The following FASTKD1 variants were observed in gnomAD, a reference collection of about 807,000 sequenced individuals.
The protein encoded by FASTKD1 is FAST kinase domains 1.
FASTKD1 carries 94 observed loss-of-function variants against 90.9 expected under a neutral mutation model. That is an observed-to-expected ratio of 1.03 (90% CI 0.88 to 1.23). The LOEUF is 1.23. FASTKD1 is among the 50% of genes most tolerant of loss of function. The probability of loss-of-function intolerance (pLI) is 0.00; values close to 1 mark genes in which losing one functional copy is unlikely to be tolerated. For synonymous variants in FASTKD1, 319 were observed against 345.8 expected, an observed-to-expected ratio of 0.92 and a Z score of 0.86; for missense variants, 945 against 993.5, an observed-to-expected ratio of 0.95 and a Z score of 0.66.
chr2:169,540,765 C>T (rs888261542), intron 9 of FASTKD1, among the ~76,000 whole-genome samples: 1 of 152,110 alleles, frequency 6.6e-6, no homozygotes, highest in Non-Finnish European at 1.5e-5. Flanking sequence ...TAGGGTTTAA[C>T]CCAGAATGTC....
intron 12 of FASTKD1, among the ~76,000 whole-genome samples, chr2:169,534,183 CAAAAAAAAAAAAA>C (rs71003097): frequency 4.1e-4 from 19 of 46,322 alleles, no homozygotes; most frequent in Middle Eastern, 0.019. Context: ...GACCCTTTCT[CAAAAAAAAAAAAA>C]AAAAAAAAAA....
chr2:169,539,076 T>C (rs1326806079), intron 10 of FASTKD1, among the ~76,000 whole-genome samples: 1 of 151,922 alleles, frequency 6.6e-6, no homozygotes, highest in Non-Finnish European at 1.5e-5. Context: ...AACACCAACC[T>C]GGCCAACATG....
chr2:169,538,791 T>C (rs925782705), intron 10 of FASTKD1, among the ~76,000 whole-genome samples: 1 of 151,638 alleles, frequency 6.6e-6, no homozygotes, highest in Non-Finnish European at 1.5e-5. Flanking sequence ...TTACTTACAA[T>C]GATGAGGAAT....
chr2:169,545,021 A>C (rs1456357946), intron 8 of FASTKD1, among the ~76,000 whole-genome samples, 186 bp from the exon 9 acceptor site: 1 of 152,166 alleles, frequency 6.6e-6, no homozygotes, highest in Non-Finnish European at 1.5e-5. Context: ...ATTATTAATA[A>C]CCCCAAAAGT....
At chr2:169,568,232 A>G (rs1199696017) in intron 3 of FASTKD1, among the ~76,000 whole-genome samples, 1 of 152,140 alleles carries the variant, frequency 6.6e-6, no homozygotes, top group Non-Finnish European at 1.5e-5. Flanking sequence ...GCTCCTAAAC[A>G]GTGTTAAATG....
chr2:169,547,812 G>T (rs1377053723), intron 7 of FASTKD1, among the ~76,000 whole-genome samples: 1 of 144,468 alleles, frequency 6.9e-6, no homozygotes, highest in Non-Finnish European at 1.5e-5. Context: ...TTGAACCAGG[G>T]AGGTGGAGGT....
At chr2:169,555,014 G>T in intron 7 of FASTKD1, 110 bp downstream of exon 7, 2 of 954,166 alleles carry the variant, frequency 2.1e-6, no homozygotes, top group Non-Finnish European at 1.5e-6. Context: ...TTACTAATAA[G>T]CTTCACAATT....
intron 3 of FASTKD1, among the ~76,000 whole-genome samples, chr2:169,568,782 C>T (rs1258426780): frequency 2.6e-5 from 4 of 151,686 alleles, no homozygotes; most frequent in East Asian, 1.9e-4. Flanking sequence ...AGGTGGATCA[C>T]GAGGTCAGGA....
chr2:169,555,264 G>C lies in FASTKD1; in HGVS notation c.1083-9C>G. The C allele has an allele frequency of 6.2e-7, 1 of 1,600,578 alleles. No homozygotes were observed. Among genetic ancestry groups the C allele is most frequent in the Non-Finnish European group, 8.5e-7 (1 of 1,172,776 alleles). ...GCAGAACTGAAGTAACTCTAAAAAGGATAGAGCATATATTATAACCAGTTC... is the reference window on the plus strand; with the variant it reads ...GCAGAACTGAAGTAACTCTAAAAAGCATAGAGCATATATTATAACCAGTTC... On this transcript the variant is annotated splice_polypyrimidine_tract_variant and intron_variant, in intron 6 of 14. Transcript: ENST00000453153.
intron 12 of FASTKD1, among the ~76,000 whole-genome samples, chr2:169,536,268 C>T (rs1215809968): frequency 6.6e-6 from 1 of 152,212 alleles, no homozygotes; most frequent in African/African-American, 2.4e-5. Flanking sequence ...GAAGAACTTG[C>T]TCAAGGATTG....
chr2:169,530,016 G>T, intron 14 of FASTKD1, 90 bp from the exon 15 acceptor site: 1 of 859,496 alleles, frequency 1.2e-6, no homozygotes, highest in Non-Finnish European at 1.8e-6. Context: ...GATCAAAGCT[G>T]TAGGAATCCT....
rs951481284 is a variant in FASTKD1 at position 169,572,135 on chromosome 2, A to G, written c.-106T>C. The stretch of plus-strand genomic sequence containing the variant: ...TTTTTCCTTCATGTATTTTGCTTCC[A>G]TTACAATGACTGTAAACGCATTCCA... On this transcript the variant is annotated 5_prime_UTR_variant, in exon 2 of 15. An upstream start codon of the reference 5' UTR is lost. Coordinates refer to ENST00000453153, the MANE Select transcript of FASTKD1 (RefSeq NM_024622.6). 3.6e-6 allele frequency: 5 copies of G among 1,387,818 alleles called. No individual in the cohort carries two copies. Among genetic ancestry groups the G allele is most frequent in the Admixed American group, 2.7e-5 (1 of 37,162 alleles). 86.0% of individuals were successfully genotyped at this position (1,387,818 alleles called of 1,614,324 possible). A position where few individuals can be genotyped will look rare whatever the true frequency, so the allele number is the denominator to read the frequency against.
In FASTKD1 at chr2:169,537,223, T is replaced by C. The variant is rs752418771; in HGVS notation, c.2188+4A>G. The C allele has an allele frequency of 6.5e-7, 1 of 1,537,144 alleles. No homozygotes were observed. The highest frequency in any genetic ancestry group is 9.0e-7 in the Non-Finnish European group (1 of 1,110,680). On this transcript the variant is annotated splice_donor_region_variant and intron_variant, in intron 12 of 14. Coordinates refer to ENST00000453153, the MANE Select transcript of FASTKD1 (RefSeq NM_024622.6). ...AGTAACTAATAACCTACCCAATAAC[T>C]TACCTACTTTGTGGTAATAAGGCGT...
intron 6 of FASTKD1, among the ~76,000 whole-genome samples, chr2:169,556,698 G>A (rs190053107): frequency 1.3e-5 from 2 of 152,042 alleles, no homozygotes; most frequent in Non-Finnish European, 2.9e-5. Context: ...GGTGGCACAC[G>A]CCTGTAATCC....
At chr2:169,548,568 T>A (rs1442218412) in intron 7 of FASTKD1, among the ~76,000 whole-genome samples, 5 of 150,856 alleles carry the variant, frequency 3.3e-5, no homozygotes, top group Non-Finnish European at 7.4e-5. Flanking sequence ...CCATCTCTAC[T>A]GAAAATACAA....
At position 169,569,406 on chromosome 2, in the gene FASTKD1, A is replaced by T. The variant is rs2683447; in HGVS notation, c.378-154T>A. On this transcript the variant is annotated intron_variant, in intron 2 of 14. Transcript: ENST00000453153. ...GGTCCACTCTTATTTCAATATTCTG[A>T]TTTTTTGGTACAGCCTAATAAACAT... Among the ~76,000 whole-genome samples the T allele has an allele frequency of 1.0e-3, 155 of 152,226 alleles. 1 individual carries two copies. The highest frequency in any genetic ancestry group is 3.5e-3 in the African/African-American group (146 of 41,550).
At chr2:169,536,402 C>CAA (rs940391860) in intron 12 of FASTKD1, among the ~76,000 whole-genome samples, 3 of 150,954 alleles carry the variant, frequency 2.0e-5, no homozygotes, top group African/African-American at 7.3e-5. Context: ...GGACAACATG[C>CAA]AAAAAATATA....
chr2:169,570,594 G>A (rs746639024), intron 2 of FASTKD1, among the ~76,000 whole-genome samples: 3 of 151,168 alleles, frequency 2.0e-5, no homozygotes, highest in East Asian at 1.9e-4. Flanking sequence ...CATATGTGCC[G>A]TCCATTTAAT....
chr2:169,553,246 A>G lies in FASTKD1; in HGVS notation c.1214+1878T>C, dbSNP rs576495360. 2.6e-3 allele frequency among the ~76,000 whole-genome samples: 387 copies of G among 147,686 alleles called. 1 individual carries two copies. The highest frequency in any genetic ancestry group is 4.3e-3 in the Non-Finnish European group (291 of 67,196). On this transcript the variant is annotated intron_variant, in intron 7 of 14. Transcript: ENST00000453153. ...AATAAAAATAAATAAAAACATAAAAATATAGAAAATTTTTTAAAAGCATGC... is the reference window on the plus strand; with the variant it reads ...AATAAAAATAAATAAAAACATAAAAGTATAGAAAATTTTTTAAAAGCATGC...
Sources: gnomAD v4.1 joint callset for allele counts (sites outside exome capture counted in the v4.1 genomes callset) on GRCh38, gnomAD v4.1.1 for gene constraint, MANE v1.5 for transcripts, NCBI Gene and HGNC (gene_info 2026-07-23, HGNC 2026-07-21) for gene names.